PLA2G3: variants seen among roughly 807,000 people sequenced by gnomAD.
PLA2G3 encodes the protein phospholipase A2 group III, also known as group 3 secretory phospholipase A2.
In PLA2G3, 39 loss-of-function variants were observed where a neutral mutation model predicts 51.3. That is an observed-to-expected ratio of 0.76 (90% CI 0.59 to 0.99). The LOEUF is 0.99. Ranked by LOEUF, PLA2G3 falls within the 50% of genes least tolerant of loss-of-function variation. PLA2G3 has a pLI of 0.00. For missense variants in PLA2G3, 677 were observed against 662.1 expected (o/e 1.02, Z -0.25); for synonymous variants, 293 against 263.1 (o/e 1.11, Z -1.10).
At chr22:31,139,502 C>A (rs1313306750) in intron 1 of PLA2G3, among the ~76,000 whole-genome samples, 1 of 152,130 alleles carries the variant, frequency 6.6e-6, no homozygotes, top group Non-Finnish European at 1.5e-5. Context: ...TTCGTCTCAG[C>A]ATCCATTCCA....
chr22:31,135,936 G>A lies in PLA2G3; in HGVS notation c.1317C>T (p.Asn439=). 6.2e-7 allele frequency: 1 copy of A among 1,612,214 alleles called. No homozygotes were observed. Among genetic ancestry groups the A allele is most frequent in the African/African-American group, 1.3e-5 (1 of 75,050 alleles). The change falls in exon 7 of 7, where the codon AAC becomes AAT. Residue 439 remains asparagine, a splice_region_variant and synonymous_variant. Coordinates refer to ENST00000215885, the MANE Select transcript of PLA2G3 (RefSeq NM_015715.5). ...APPLDCVEGK[N]CSRDPRAIRV... ...TGATGGCCCTAGGGTCTCTGGAACA[G>A]CTGTAAGGAGAGAAGAGTGGGGCAG...
At position 31,140,088 on chromosome 22, in the gene PLA2G3, A is replaced by C; in HGVS notation, c.267T>G (p.His89Gln). 47 of 1,612,630 alleles carry C rather than the reference A, an allele frequency of 2.9e-5. No homozygotes were observed. The highest frequency in any genetic ancestry group is 3.6e-5 in the Non-Finnish European group (43 of 1,179,258). The change falls in exon 1 of 7, where the codon CAT (histidine) becomes CAG (glutamine). Residue 89 changes from histidine (H) to glutamine (Q), a missense_variant. Transcript: ENST00000215885. ...LTAAYGALCA[H>Q]ETAWGSFIHT... Reference sequence around the variant, plus strand: ...GGATGAAGGAGCCCCAGGCAGTCTCATGAGCACAGAGAGCACCGTAGGCTG... The same window carrying C: ...GGATGAAGGAGCCCCAGGCAGTCTCCTGAGCACAGAGAGCACCGTAGGCTG...
chr22:31,138,528 C>A, intron 2 of PLA2G3, 118 bp from the exon 3 acceptor site: 1 of 1,493,820 alleles, frequency 6.7e-7, no homozygotes, highest in Non-Finnish European at 9.2e-7. Flanking sequence ...TTCTTTCTGG[C>A]CTCAGCTTTC....
intron 1 of PLA2G3, 76 bp from the exon 2 acceptor site, chr22:31,138,875 A>G (rs1922745736): frequency 6.7e-7 from 1 of 1,494,906 alleles, no homozygotes; most frequent in Non-Finnish European, 9.2e-7. Context: ...CCCCCCTGGT[A>G]GGAAGAGGGC....
In PLA2G3 at chr22:31,137,741, G is replaced by C; in HGVS notation, c.1035C>G (p.Leu345=). 1 of 1,612,030 alleles carries C rather than the reference G, an allele frequency of 6.2e-7. No individual in the cohort carries two copies. The highest frequency in any genetic ancestry group is 2.2e-5 in the East Asian group (1 of 44,884). Residue 345 remains leucine (L), a synonymous_variant, in exon 4 of 7, where the codon CTC becomes CTG. Coordinates refer to ENST00000215885, the MANE Select transcript of PLA2G3 (RefSeq NM_015715.5). ...GTTTTAGGCCACCCTGTGGGCCCTG[G>C]AGGCCTGTGGGGGCCACATCAAGCC... ...SPRLDVAPTG[L]QGPQGGLKPQ... is the part of the protein sequence containing the mutation.
intron 3 of PLA2G3, 122 bp downstream of exon 3, chr22:31,138,154 A>T: frequency 7.3e-7 from 1 of 1,373,612 alleles, no homozygotes; most frequent in Non-Finnish European, 9.9e-7. Flanking sequence ...CCCTCAGGAG[A>T]GGACATGCAG....
Position 31,140,049 on chromosome 22 carries a change from G to A in PLA2G3, c.306C>T (p.Pro102=), listed in dbSNP as rs756277183. ...AWGSFIHTPG[P]ELQRALATLQ... The stretch of plus-strand genomic sequence containing the variant: ...GAGTGGCCAGTGCTCTCTGCAGCTC[G>A]GGTCCGGGGGTGTGGATGAAGGAGC... Residue 102 remains proline, a synonymous_variant, in exon 1 of 7, where the codon CCC becomes CCT. Coordinates refer to ENST00000215885, the MANE Select transcript of PLA2G3 (RefSeq NM_015715.5). 34 of 1,613,450 alleles carry A rather than the reference G, an allele frequency of 2.1e-5. No homozygotes were observed. Among genetic ancestry groups the A allele is most frequent in the Admixed American group, 6.7e-5 (4 of 60,012 alleles).
Position 31,135,729 on chromosome 22 carries a change from G to A in PLA2G3, c.1524C>T (p.Ser508=). ...AGGAAAGCTGAAACTGAGGTCACTGGCTCCAGGACTTCTGCTGCCTGTCGG... is the reference window on the plus strand; with the variant it reads ...AGGAAAGCTGAAACTGAGGTCACTGACTCCAGGACTTCTGCTGCCTGTCGG... The part of the protein sequence containing the change: ...RRPDRQQKSW[S]Q The change falls in exon 7 of 7, where the codon AGC becomes AGT. Residue 508 remains serine (S), a synonymous_variant. Transcript: ENST00000215885. The A allele has an allele frequency of 6.2e-7, 1 of 1,612,564 alleles. No individual in the cohort carries two copies. The highest frequency in any genetic ancestry group is 2.2e-5 in the East Asian group (1 of 44,864).
intron 5 of PLA2G3, 42 bp from the exon 6 acceptor site, chr22:31,136,841 A>G (rs1485325538): frequency 1.2e-6 from 2 of 1,600,688 alleles, no homozygotes; most frequent in East Asian, 2.2e-5. Context: ...GGGCCTTGCC[A>G]GCCAGGGGCC....
At chr22:31,138,515 C>T (rs1922722445) in intron 2 of PLA2G3, 105 bp from the exon 3 acceptor site, 13 of 1,519,996 alleles carry the variant, frequency 8.6e-6, no homozygotes, top group Non-Finnish European at 1.2e-5. Flanking sequence ...GTCCAAGCAT[C>T]CCTTCTTTCT....
intron 4 of PLA2G3, among the ~76,000 whole-genome samples, chr22:31,137,410 T>C (rs1339284535): frequency 6.6e-6 from 1 of 152,048 alleles, no homozygotes; most frequent in Non-Finnish European, 1.5e-5. Flanking sequence ...CCAAGTGAAG[T>C]TTGTGAAACT....
rs895963907 is a variant in PLA2G3 at position 31,135,409 on chromosome 22, G to A, written c.*314C>T. On this transcript the variant is annotated 3_prime_UTR_variant, in exon 7 of 7. Transcript: ENST00000215885. ...GTACTGCCTGGGGCTGCTGCAATAA[G>A]TTACCCTTTCCCCATTCTCATCTGT... 8 of 388,634 alleles carry A rather than the reference G, an allele frequency of 2.1e-5. No individual in the cohort carries two copies. In the Admixed American group the frequency reaches 3.2e-4, roughly 15 times the overall value. 24.1% of individuals were successfully genotyped at this position (388,634 alleles called of 1,614,324 possible).
Position 31,135,889 on chromosome 22 carries a change from C to T in PLA2G3, c.1364G>A (p.Arg455Gln), listed in dbSNP as rs150521769. The T allele has an allele frequency of 3.3e-4, 532 of 1,613,804 alleles. 1 individual carries two copies. The highest frequency in any genetic ancestry group is 2.5e-3 in the African/African-American group (190 of 75,044). Residue 455 changes from arginine to glutamine, a missense_variant, in exon 7 of 7, where the codon CGG becomes CAG. Coordinates refer to ENST00000215885, the MANE Select transcript of PLA2G3 (RefSeq NM_015715.5). Reference protein sequence around the residue: ...RAIRVSARHLRRLQQRRHQLQ... With the variant: ...RAIRVSARHLQRLQQRRHQLQ... ...CTGGTGTCGCCTCTGCTGAAGCCTC[C>T]GCAAGTGCCGGGCTGACACCCTGAT...
At chr22:31,137,127 C>A in intron 4 of PLA2G3, 87 bp from the exon 5 acceptor site, 1 of 1,287,354 alleles carries the variant, frequency 7.8e-7, no homozygotes, top group Non-Finnish European at 1.1e-6. Flanking sequence ...AACACCAGCA[C>A]GTGTGCTCAG....
At position 31,137,861 on chromosome 22, in the gene PLA2G3, C is replaced by T. The variant is rs1922674563; in HGVS notation, c.915G>A (p.Lys305=). The change falls in exon 4 of 7, where the codon AAG becomes AAA. Residue 305 remains lysine, a synonymous_variant. Coordinates refer to ENST00000215885, the MANE Select transcript of PLA2G3 (RefSeq NM_015715.5). Reference sequence around the variant, plus strand: ...GTGGTGGCCCCTTCCGAAGGTGCTGCTTCTGTCGAGGCTTGGGAGGGGCTG... The same window carrying T: ...GTGGTGGCCCCTTCCGAAGGTGCTGTTTCTGTCGAGGCTTGGGAGGGGCTG... ...RSPAPPKPRQ[K]QHLRKGPPHQ... 6.2e-7 allele frequency: 1 copy of T among 1,614,076 alleles called. No homozygotes were observed. Among genetic ancestry groups the T allele is most frequent in the Middle Eastern group, 1.7e-4 (1 of 6,048 alleles).
rs149814072 is a variant in PLA2G3, at chr22:31,139,961, G to A, written c.394C>T (p.Arg132Ter). The A allele has an allele frequency of 1.5e-4, 240 of 1,613,920 alleles. No individual in the cohort carries two copies. The Admixed American group carries it at 1.9e-3, about 13-fold the overall frequency. Residue 132 changes from arginine (R) to a stop codon, truncating the protein, a stop_gained, in exon 1 of 7, where the codon CGA becomes TGA. Transcript: ENST00000215885. LOFTEE classifies it high-confidence loss of function. ...EESPAGARKK[R>*]AAGQSGVPGG... is the part of the protein sequence containing the mutation. Reference sequence around the variant, plus strand: ...GGGACTCCACTCTGCCCTGCTGCTCGCTTCTTCCTGGCCCCTGCTGGACTC... The same window carrying A: ...GGGACTCCACTCTGCCCTGCTGCTCACTTCTTCCTGGCCCCTGCTGGACTC...
chr22:31,137,071 C>G, intron 4 of PLA2G3, 31 bp from the exon 5 acceptor site: 1 of 1,486,026 alleles, frequency 6.7e-7, no homozygotes, highest in Non-Finnish European at 9.0e-7. Context: ...TGATGGGAGC[C>G]CAATCCACCA....
At chr22:31,138,092 C>T (rs1353519859) in intron 3 of PLA2G3, 99 bp from the exon 4 acceptor site, 1 of 1,386,224 alleles carries the variant, frequency 7.2e-7, no homozygotes, top group East Asian at 2.4e-5. Context: ...CCAGTCCCAT[C>T]CCCCATCCCG....
At position 31,138,717 on chromosome 22, in the gene PLA2G3, G is replaced by A. The variant is rs1165490648; in HGVS notation, c.597C>T (p.Gly199=). ...QNISPLQYNY[G]IRNYRFHTIS... is the part of the protein sequence containing the mutation. Reference sequence around the variant, plus strand: ...TGGTGTGGAATCGGTAGTTTCGGATGCCATAGTTGTACTGCAAGGGTGAGA... The same window carrying A: ...TGGTGTGGAATCGGTAGTTTCGGATACCATAGTTGTACTGCAAGGGTGAGA... The change falls in exon 2 of 7, where the codon GGC becomes GGT. Residue 199 remains glycine, a synonymous_variant. Coordinates refer to ENST00000215885, the MANE Select transcript of PLA2G3 (RefSeq NM_015715.5). 1 of 1,614,038 alleles carries A rather than the reference G, an allele frequency of 6.2e-7. No individual in the cohort carries two copies. The highest frequency in any genetic ancestry group is 1.7e-5 in the Admixed American group (1 of 60,004).
Sources: gnomAD v4.1 joint callset for allele counts (sites outside exome capture counted in the v4.1 genomes callset) on GRCh38, gnomAD v4.1.1 for gene constraint, MANE v1.5 for transcripts, NCBI Gene and HGNC (gene_info 2026-07-23, HGNC 2026-07-21) for gene names.